The following SHQ1 variants were observed in gnomAD, a reference collection of about 807,000 sequenced individuals.
SHQ1 encodes the protein SHQ1, H/ACA ribonucleoprotein assembly factor.
Under a neutral mutation model 53.8 loss-of-function variants are expected in SHQ1, and 49 were observed. The ratio of observed to expected loss-of-function variants is 0.91; its 90% CI spans 0.72 to 1.16. The LOEUF is 1.16. Ranked by LOEUF, SHQ1 falls within the 50% of genes most tolerant of loss-of-function variation. SHQ1 has a pLI of 0.00. For synonymous variants in SHQ1, 243 were observed against 251.0 expected (o/e 0.97, Z 0.30); for missense variants, 738 against 683.1 (o/e 1.08, Z -0.90).
intron 10 of SHQ1, among the ~76,000 whole-genome samples, chr3:72,752,007 T>C (rs1342794110): frequency 1.3e-5 from 2 of 152,172 alleles, no homozygotes; most frequent in African/African-American, 4.8e-5. Context: ...ATGTATGACA[T>C]AGGTCTGAGG....
rs869225766 is a variant in SHQ1 at position 72,758,567 on chromosome 3, C to CTTT, written c.1182-7734_1182-7732dup. 4.1e-3 allele frequency among the ~76,000 whole-genome samples: 511 copies of CTTT among 126,126 alleles called. 11 individuals are homozygous for CTTT. The highest frequency in any genetic ancestry group is 0.014 in the African/African-American group (470 of 33,516). 82.7% of individuals were successfully genotyped at this position (126,126 alleles called of 152,430 possible). On this transcript the variant is annotated intron_variant, in intron 10 of 10. Transcript: ENST00000325599. ...ACAGCTCCTGAGGCTACTATTTTTT[C>CTTT]TTTTTTTTTTTTTTTTTTCCGAGAT...
At chr3:72,771,061 T>C (rs913937766) in intron 10 of SHQ1, among the ~76,000 whole-genome samples, 2 of 152,216 alleles carry the variant, frequency 1.3e-5, no homozygotes, top group African/African-American at 4.8e-5. Flanking sequence ...GAGGTCAGAC[T>C]GATTTCAACC....
In SHQ1 at chr3:72,821,397, C is replaced by T. The variant is rs1384829459; in HGVS notation, c.727+3027G>A. Among the ~76,000 whole-genome samples, 6 of 152,246 alleles carry T rather than the reference C, an allele frequency of 3.9e-5. No homozygotes were observed. In the East Asian group the frequency reaches 5.8e-4, roughly 15 times the overall value. On this transcript the variant is annotated intron_variant, in intron 6 of 10. Coordinates refer to ENST00000325599, the MANE Select transcript of SHQ1 (RefSeq NM_018130.3). ...ATGAAACCAGAGCTCAGGGGAAGCA[C>T]GGCGTTTAACACTTCCATTTACAAG...
chr3:72,837,196 AT>A (rs1339837787), intron 4 of SHQ1, among the ~76,000 whole-genome samples: 4 of 152,184 alleles, frequency 2.6e-5, no homozygotes, highest in Non-Finnish European at 4.4e-5. Flanking sequence ...GCTGGCAGCA[AT>A]TTCAGAAAGG....
intron 10 of SHQ1, chr3:72,772,743 G>A: frequency 1.3e-6 from 1 of 746,356 alleles, no homozygotes; most frequent in East Asian, 2.5e-5. Context: ...CTACTCCCGT[G>A]GATGATCTTC....
chr3:72,754,976 A>G (rs1705469294), intron 10 of SHQ1, among the ~76,000 whole-genome samples: 2 of 152,148 alleles, frequency 1.3e-5, no homozygotes, highest in South Asian at 4.1e-4. Flanking sequence ...CTATACAGAT[A>G]TTGTGTCCTG....
Position 72,750,193 on chromosome 3 carries a change from A to G in SHQ1, c.*91T>C. The G allele has an allele frequency of 8.5e-7, 1 of 1,171,200 alleles. No individual in the cohort carries two copies. The highest frequency in any genetic ancestry group is 1.2e-6 in the Non-Finnish European group (1 of 824,104). 72.6% of individuals were successfully genotyped at this position (1,171,200 alleles called of 1,614,324 possible). On this transcript the variant is annotated 3_prime_UTR_variant, in exon 11 of 11. Coordinates refer to ENST00000325599, the MANE Select transcript of SHQ1 (RefSeq NM_018130.3). The stretch of plus-strand genomic sequence containing the variant: ...TACAGTGGGCTGACTATATACTAAG[A>G]AAAATTACAAAGTGAAAATGAAGAA...
chr3:72,806,415 G>C (rs1706947634), intron 9 of SHQ1, among the ~76,000 whole-genome samples: 1 of 152,000 alleles, frequency 6.6e-6, no homozygotes, highest in African/African-American at 2.4e-5. Flanking sequence ...TCTATTCTTA[G>C]AAACATTAAC....
At chr3:72,842,550 A>G in intron 2 of SHQ1, 148 bp from the exon 3 acceptor site, 1 of 465,170 alleles carries the variant, frequency 2.1e-6, no homozygotes, top group Non-Finnish European at 3.7e-6. Context: ...GCAACATACC[A>G]AGACCCCATC....
intron 10 of SHQ1, among the ~76,000 whole-genome samples, chr3:72,758,861 C>T (rs906041930): frequency 2.0e-5 from 3 of 152,198 alleles, no homozygotes; most frequent in East Asian, 3.8e-4. Flanking sequence ...GCCACCGCAC[C>T]TGGCCAAGGC....
At chr3:72,729,978 C>A in the SHQ1 span, among the ~76,000 whole-genome samples, 4 of 152,090 alleles carry the variant, frequency 2.6e-5, no homozygotes, top group Admixed American at 2.6e-4. Flanking sequence ...GCCACCTCAC[C>A]AGGCTAATTT....
chr3:72,840,700 G>A (rs920197624), intron 4 of SHQ1, among the ~76,000 whole-genome samples: 8 of 152,110 alleles, frequency 5.3e-5, no homozygotes, highest in African/African-American at 1.9e-4. Context: ...ACATCATGCC[G>A]TAAGTACATG....
chr3:72,824,617 A>C, intron 5 of SHQ1, 66 bp from the exon 6 acceptor site: 1 of 1,519,174 alleles, frequency 6.6e-7, no homozygotes, highest in Non-Finnish European at 8.9e-7. Flanking sequence ...TTAACATTTT[A>C]TCTTAACTCA....
chr3:72,822,215 G>A (rs1424289448), intron 6 of SHQ1, among the ~76,000 whole-genome samples: 5 of 152,138 alleles, frequency 3.3e-5, no homozygotes, highest in Non-Finnish European at 7.3e-5. Context: ...GAAGAGACAC[G>A]CTGTTCGACA....
intron 9 of SHQ1, chr3:72,794,950 T>C (rs561440496): frequency 4.6e-5 from 7 of 152,360 alleles, no homozygotes; most frequent in African/African-American, 1.4e-4. Context: ...ATGGGTAAGA[T>C]ACAGGGCCAC....
intron 5 of SHQ1, among the ~76,000 whole-genome samples, chr3:72,828,314 C>G (rs1707724440): frequency 6.6e-6 from 1 of 152,076 alleles, no homozygotes; most frequent in Non-Finnish European, 1.5e-5. Context: ...TGAGCCTAGT[C>G]TGAGGAGATA....
intron 10 of SHQ1, among the ~76,000 whole-genome samples, chr3:72,780,017 C>T (rs1289752197): frequency 6.6e-6 from 1 of 152,186 alleles, no homozygotes; most frequent in Non-Finnish European, 1.5e-5. Context: ...AGGAGGACTG[C>T]TTGAGGCCAG....
At chr3:72,768,514 G>A (rs913402402) in intron 10 of SHQ1, among the ~76,000 whole-genome samples, 1 of 152,236 alleles carries the variant, frequency 6.6e-6, no homozygotes, top group Non-Finnish European at 1.5e-5. Flanking sequence ...AACACACAGA[G>A]CGCAGAGCTG....
chr3:72,747,457 C>A (rs1049759821), downstream of SHQ1, among the ~76,000 whole-genome samples: 24 of 152,164 alleles, frequency 1.6e-4, no homozygotes, highest in Non-Finnish European at 2.8e-4. Flanking sequence ...AGACAGTGAT[C>A]CTGAGAGACA....
Sources: gnomAD v4.1 joint callset for allele counts (sites outside exome capture counted in the v4.1 genomes callset) on GRCh38, gnomAD v4.1.1 for gene constraint, MANE v1.5 for transcripts, NCBI Gene and HGNC (gene_info 2026-07-23, HGNC 2026-07-21) for gene names.